The following MYO3A variants were observed in gnomAD, a reference collection of about 807,000 sequenced individuals.
MYO3A encodes the protein myosin IIIA.
A neutral mutation model predicts 192.7 loss-of-function variants in MYO3A; 180 were observed. That is an observed-to-expected ratio of 0.93 (90% confidence interval 0.83 to 1.06). MYO3A has a LOEUF of 1.06. MYO3A is among the 50% of genes least tolerant of loss of function. The pLI is 0.00. For synonymous variants in MYO3A, 628 were observed against 645.3 expected (o/e 0.97, Z 0.41); for missense variants, 1,896 against 1,905.0 (o/e 1.00, Z 0.09).
At chr10:26,113,081 T>C (rs1838289198) in intron 17 of MYO3A, among the ~76,000 whole-genome samples, 1 of 152,226 alleles carries the variant, frequency 6.6e-6, no homozygotes, top group Non-Finnish European at 1.5e-5. Flanking sequence ...AGTTATGTCT[T>C]TAGGGAAGAT....
intron 31 of MYO3A, among the ~76,000 whole-genome samples, chr10:26,179,032 C>T (rs117015001): frequency 0.033 from 4,946 of 150,258 alleles, 105 homozygotes; most frequent in Non-Finnish European, 0.047. Flanking sequence ...CGATCCGACC[C>T]TGTGATCCGC....
At chr10:26,082,291 G>C (rs956801122) in intron 14 of MYO3A, among the ~76,000 whole-genome samples, 2 of 152,064 alleles carry the variant, frequency 1.3e-5, no homozygotes, top group East Asian at 3.8e-4. Context: ...TCAGTGTACA[G>C]ATCTGTCACC....
chr10:26,149,300 T>G (rs1472564866), intron 23 of MYO3A, among the ~76,000 whole-genome samples: 1 of 152,154 alleles, frequency 6.6e-6, no homozygotes, highest in Non-Finnish European at 1.5e-5. Flanking sequence ...AGTGGCACAA[T>G]TTCGGCTCAC....
At chr10:26,065,605 A>AAAAAACAT (rs1554817241) in intron 10 of MYO3A, among the ~76,000 whole-genome samples, 14 of 118,724 alleles carry the variant, frequency 1.2e-4, no homozygotes, top group Admixed American at 3.6e-4. Flanking sequence ...AAAAAAAAAA[A>AAAAAACAT]AAAAAAAAGT....
chr10:26,131,520 A>G (rs1488359421), intron 20 of MYO3A, among the ~76,000 whole-genome samples: 3 of 152,178 alleles, frequency 2.0e-5, no homozygotes, highest in African/African-American at 7.2e-5. Context: ...TTTCTCTTAT[A>G]GCCTGCTTTC....
At chr10:25,956,202 A>C (rs981932819) in intron 4 of MYO3A, among the ~76,000 whole-genome samples, 8 of 152,154 alleles carry the variant, frequency 5.3e-5, no homozygotes, top group African/African-American at 1.9e-4. Context: ...TAAAGGTCCC[A>C]CCTCTTAACA....
At chr10:25,997,307 A>G (rs776963972) in intron 6 of MYO3A, 49 bp downstream of exon 6, 3 of 1,333,974 alleles carry the variant, frequency 2.2e-6, no homozygotes, top group African/African-American at 2.9e-5. Flanking sequence ...ATGAACTAGT[A>G]TGATATGATT....
In MYO3A at chr10:26,053,325, T is replaced by G. The variant is rs1472403665; in HGVS notation, c.954-13650T>G. On this transcript the variant is annotated intron_variant, in intron 10 of 34. Coordinates refer to ENST00000642920, the MANE Select transcript of MYO3A (RefSeq NM_017433.5). ...CTTTGGTTTCACAGTAGATGAACAT[T>G]TAGTAAAGGCAAACTATTCACTCAA... is the stretch of plus-strand genomic sequence containing the variant. Among the ~76,000 whole-genome samples the G allele has an allele frequency of 2.6e-5, 4 of 152,320 alleles. No homozygotes were observed. In the East Asian group the frequency reaches 7.7e-4, roughly 29 times the overall value.
chr10:26,057,971 C>T (rs1388350453), intron 10 of MYO3A, among the ~76,000 whole-genome samples: 3 of 152,124 alleles, frequency 2.0e-5, no homozygotes, highest in Non-Finnish European at 2.9e-5. Flanking sequence ...AATTAGTGAA[C>T]CTACATTGAC....
At chr10:26,199,804 C>T (rs1158776698) in intron 32 of MYO3A, among the ~76,000 whole-genome samples, 1 of 152,140 alleles carries the variant, frequency 6.6e-6, no homozygotes, top group Admixed American at 6.6e-5. Flanking sequence ...AACATAGTGC[C>T]ATCACTTAAG....
chr10:26,086,003 T>A (rs910174165), intron 14 of MYO3A, among the ~76,000 whole-genome samples: 7 of 152,190 alleles, frequency 4.6e-5, no homozygotes, highest in Non-Finnish European at 1.5e-5. Flanking sequence ...TTAGTTATTT[T>A]GGTTTAAATG....
chr10:26,170,284 C>A, intron 28 of MYO3A, 132 bp from the exon 29 acceptor site: 1 of 950,416 alleles, frequency 1.1e-6, no homozygotes, highest in Non-Finnish European at 1.6e-6. Context: ...TTTAAGTGAA[C>A]CTGTTCTATT....
intron 30 of MYO3A, among the ~76,000 whole-genome samples, chr10:26,175,081 C>T (rs888610801): frequency 2.6e-5 from 4 of 152,124 alleles, no homozygotes; most frequent in Admixed American, 6.5e-5. Flanking sequence ...AAAGAAAAAA[C>T]GCAGAGAAAA....
At chr10:25,986,738 C>T (rs1425371749) in intron 4 of MYO3A, among the ~76,000 whole-genome samples, 3 of 152,082 alleles carry the variant, frequency 2.0e-5, no homozygotes, top group East Asian at 1.9e-4. Context: ...GAAACACAAC[C>T]GATGCTCATG....
At position 26,145,437 on chromosome 10, in the gene MYO3A, T is replaced by C. The variant is rs1391327769; in HGVS notation, c.2417-9T>C. On this transcript the variant is annotated splice_polypyrimidine_tract_variant and intron_variant, in intron 21 of 34. Coordinates refer to ENST00000642920, the MANE Select transcript of MYO3A (RefSeq NM_017433.5). ...ATGCTTGATATTTGAGTTCAGTATT[T>C]TTCTACAGAAAAATTTGAAGGTAAC... 5.8e-6 allele frequency: 9 copies of C among 1,561,442 alleles called. No individual in the cohort carries two copies. Among genetic ancestry groups the C allele is most frequent in the Non-Finnish European group, 7.9e-6 (9 of 1,132,292 alleles).
At chr10:26,183,844 G>A (rs1842734528) in intron 31 of MYO3A, among the ~76,000 whole-genome samples, 2 of 152,270 alleles carry the variant, frequency 1.3e-5, no homozygotes, top group South Asian at 2.1e-4. Context: ...AGCAGGACAA[G>A]CACGTACCCT....
At chr10:26,119,903 C>G (rs1033108265) in intron 17 of MYO3A, among the ~76,000 whole-genome samples, 1 of 152,014 alleles carries the variant, frequency 6.6e-6, no homozygotes, top group African/African-American at 2.4e-5. Flanking sequence ...CACCAATAAT[C>G]CCAGCACTTT....
intron 17 of MYO3A, among the ~76,000 whole-genome samples, chr10:26,111,067 T>C (rs1432990024): frequency 6.6e-6 from 1 of 151,994 alleles, no homozygotes; most frequent in African/African-American, 2.4e-5. Flanking sequence ...TGCATCTCAC[T>C]ATGTTGCCCA....
At chr10:26,135,366 T>G (rs1839788133) in intron 20 of MYO3A, among the ~76,000 whole-genome samples, 1 of 151,804 alleles carries the variant, frequency 6.6e-6, no homozygotes, top group African/African-American at 2.4e-5. Context: ...TAAATATAAA[T>G]TATTATTTAA....
Sources: gnomAD v4.1 joint callset for allele counts (sites outside exome capture counted in the v4.1 genomes callset) on GRCh38, gnomAD v4.1.1 for gene constraint, MANE v1.5 for transcripts, NCBI Gene and HGNC (gene_info 2026-07-23, HGNC 2026-07-21) for gene names.